SCUBE2: variants seen among roughly 807,000 people sequenced by gnomAD.
SCUBE2 encodes the protein signal peptide, CUB domain and EGF like domain containing 2, also known as signal peptide, CUB and EGF-like domain-containing protein 2.
Under a neutral mutation model 125.9 loss-of-function variants are expected in SCUBE2, and 114 were observed. The observed-to-expected ratio is 0.91, with a 90% CI of 0.78 to 1.06. SCUBE2 has a LOEUF of 1.06. SCUBE2 is among the 50% of genes least tolerant of loss of function. SCUBE2 has a pLI of 0.00. For synonymous variants in SCUBE2, 459 were observed against 492.9 expected, an observed-to-expected ratio of 0.93 and a Z score of 0.91; for missense variants, 1,255 against 1,301.8, an observed-to-expected ratio of 0.96 and a Z score of 0.55.
intron 13 of SCUBE2, among the ~76,000 whole-genome samples, chr11:9,050,946 T>C (rs1197824533): frequency 1.3e-5 from 2 of 152,178 alleles, no homozygotes; most frequent in African/African-American, 2.4e-5. Context: ...GCAAATCCAG[T>C]GTTCAAATAA....
At chr11:9,065,746 G>A (rs530299181) in intron 7 of SCUBE2, 145 bp downstream of exon 7, 1 of 663,344 alleles carries the variant, frequency 1.5e-6, no homozygotes, top group Admixed American at 2.4e-5. Flanking sequence ...GTGAAGAACA[G>A]ACACACACCC....
intron 16 of SCUBE2, among the ~76,000 whole-genome samples, chr11:9,039,092 A>G (rs61876297): frequency 0.043 from 6,511 of 152,096 alleles, 163 homozygotes; most frequent in Middle Eastern, 0.078. Context: ...CCTGGGCTCA[A>G]GTGGTCCTCT....
At chr11:9,030,714 A>C (rs1856230187) in intron 18 of SCUBE2, 44 bp downstream of exon 18, 5 of 1,575,756 alleles carry the variant, frequency 3.2e-6, no homozygotes, top group Non-Finnish European at 4.3e-6. Flanking sequence ...GATACTTAGA[A>C]GGGAAATCCA....
In SCUBE2 at chr11:9,033,729, G is replaced by T; in HGVS notation, c.2070C>A (p.Thr690=). 6.2e-7 allele frequency: 1 copy of T among 1,614,116 alleles called. No individual in the cohort carries two copies. The highest frequency in any genetic ancestry group is 2.2e-5 in the East Asian group (1 of 44,880). The change falls in exon 17 of 23, where the codon ACC becomes ACA. Residue 690 remains threonine, a synonymous_variant. Transcript: ENST00000649792. ...TCATTTGTCCTTCCTCATTTTGGAA[G>T]GTTCCATTTGGACATAAAATGCAGC... is the stretch of plus-strand genomic sequence containing the variant. The part of the protein sequence containing the change: ...RERCILCPNG[T]FQNEEGQMTC...
Position 9,029,950 on chromosome 11 carries a change from A to T in SCUBE2, c.2437T>A (p.Cys813Ser), listed in dbSNP as rs769684414. The part of the protein sequence containing the change: ...TYQPEFGKNN[C>S]VSCPGNTTTD... ...GTAGTATTTCCTGGGCAAGAAACACAATTATTTTTTCCAAATTCAGGCTGG... is the reference window on the plus strand; with the variant it reads ...GTAGTATTTCCTGGGCAAGAAACACTATTATTTTTTCCAAATTCAGGCTGG... The change falls in exon 19 of 23, where the codon TGT (cysteine) becomes AGT (serine). Residue 813 changes from cysteine (C) to serine (S), a missense_variant. This residue lies in a region of SCUBE2 where 515 missense variants were observed against 515.7 expected (regional missense o/e 1.00). Transcript: ENST00000649792. The T allele has an allele frequency of 6.2e-7, 1 of 1,614,194 alleles. No homozygotes were observed. Among genetic ancestry groups the T allele is most frequent in the South Asian group, 1.1e-5 (1 of 91,082 alleles).
At chr11:9,072,637 G>A (rs76011723) in intron 4 of SCUBE2, among the ~76,000 whole-genome samples, 16 of 152,212 alleles carry the variant, frequency 1.1e-4, no homozygotes, top group African/African-American at 2.9e-4. Context: ...AAGGTTCTCC[G>A]TTACCAATTG....
In SCUBE2 at chr11:9,063,032, G is replaced by C. The variant is rs528921748; in HGVS notation, c.851-2508C>G. ...GAGACAGGTGGGTCACATAGGCCAG[G>C]AGGTTGAGACCAGCCTGGCCAACAT... On this transcript the variant is annotated intron_variant, in intron 7 of 22. Transcript: ENST00000649792. 2.0e-5 allele frequency among the ~76,000 whole-genome samples: 3 copies of C among 152,064 alleles called. No homozygotes were observed. In the South Asian group the frequency reaches 6.2e-4, roughly 32 times the overall value.
chr11:9,063,535 C>G (rs1352978383), intron 7 of SCUBE2, among the ~76,000 whole-genome samples: 1 of 152,266 alleles, frequency 6.6e-6, no homozygotes, highest in Non-Finnish European at 1.5e-5. Flanking sequence ...AACTTCAAAA[C>G]AGTGATGGAA....
chr11:9,043,638 T>C (rs1267552245), intron 16 of SCUBE2, among the ~76,000 whole-genome samples: 1 of 152,090 alleles, frequency 6.6e-6, no homozygotes, highest in Non-Finnish European at 1.5e-5. Flanking sequence ...CTGGTGTAAA[T>C]TGGGACTTTA....
At chr11:9,029,059 AG>A (rs59931641) in intron 19 of SCUBE2, among the ~76,000 whole-genome samples, 3 of 152,080 alleles carry the variant, frequency 2.0e-5, no homozygotes, top group South Asian at 2.1e-4. Context: ...CCTCCAGTTT[AG>A]GGGGGGCCTC....
At chr11:9,063,085 C>CA (rs575154426) in intron 7 of SCUBE2, among the ~76,000 whole-genome samples, 10,869 of 144,950 alleles carry the variant, frequency 0.075, 480 homozygotes, top group Middle Eastern at 0.13. Flanking sequence ...ACTAAAAATA[C>CA]AAAAAAAAAA....
At chr11:9,059,518 C>A in intron 8 of SCUBE2, 93 bp from the exon 9 acceptor site, 1 of 1,417,788 alleles carries the variant, frequency 7.1e-7, no homozygotes, top group Admixed American at 2.3e-5. Context: ...TCATTAGTCT[C>A]TGAAATTAAG....
chr11:9,072,739 C>T lies in SCUBE2; in HGVS notation c.517+1742G>A, dbSNP rs77774024. On this transcript the variant is annotated intron_variant, in intron 4 of 22. Transcript: ENST00000649792. Reference sequence around the variant, plus strand: ...CACAGAGAGCACTTCCAGACCACAACGCAAATTCTTAGATTTTGGTTTTAG... The same window carrying T: ...CACAGAGAGCACTTCCAGACCACAATGCAAATTCTTAGATTTTGGTTTTAG... 3.9e-3 allele frequency among the ~76,000 whole-genome samples: 594 copies of T among 152,284 alleles called. 4 individuals are homozygous for T. Among genetic ancestry groups the T allele is most frequent in the African/African-American group, 0.013 (555 of 41,546 alleles).
At chr11:9,044,365 G>A (rs528931143) in intron 16 of SCUBE2, among the ~76,000 whole-genome samples, 8 of 151,916 alleles carry the variant, frequency 5.3e-5, no homozygotes, top group East Asian at 1.9e-4. Flanking sequence ...TGATCCTCCC[G>A]CCTTAGACTC....
Position 9,019,817 on chromosome 11 carries a change from G to A in SCUBE2, c.*1228C>T, listed in dbSNP as rs1855168290. Among the ~76,000 whole-genome samples, 1 of 152,158 alleles carries A rather than the reference G, an allele frequency of 6.6e-6. No individual in the cohort carries two copies. The highest frequency in any genetic ancestry group is 1.9e-4 in the East Asian group (1 of 5,198). On this transcript the variant is annotated 3_prime_UTR_variant, in exon 23 of 23. Coordinates refer to ENST00000649792, the MANE Select transcript of SCUBE2 (RefSeq NM_001367977.2). ...TAGTCCATCCATTAGGGAAGTGGTG[G>A]CTTGTTTGATTGGATTCCTTTTTAT... is the stretch of plus-strand genomic sequence containing the variant.
chr11:9,040,351 T>C (rs1231691453), intron 16 of SCUBE2, among the ~76,000 whole-genome samples: 3 of 152,374 alleles, frequency 2.0e-5, no homozygotes, highest in South Asian at 2.1e-4. Context: ...AAGTATCTTA[T>C]AGTACCGTAC....
chr11:9,073,193 T>C (rs1054643324), intron 4 of SCUBE2, among the ~76,000 whole-genome samples: 5 of 152,274 alleles, frequency 3.3e-5, no homozygotes, highest in African/African-American at 1.2e-4. Flanking sequence ...CATCTCGAAT[T>C]TGGCCTACAT....
At chr11:9,088,360 C>T (rs750324833) in intron 2 of SCUBE2, among the ~76,000 whole-genome samples, 20 of 152,160 alleles carry the variant, frequency 1.3e-4, no homozygotes, top group African/African-American at 3.6e-4. Flanking sequence ...TGGTGGCAGG[C>T]GCCTGTAATC....
Position 9,060,340 on chromosome 11 carries a change from A to G in SCUBE2, c.967+68T>C, listed in dbSNP as rs574595571. On this transcript the variant is annotated intron_variant, in intron 8 of 22. Coordinates refer to ENST00000649792, the MANE Select transcript of SCUBE2 (RefSeq NM_001367977.2). ...TGGAGGGTATGTTGCCTTTATCCCC[A>G]TATGTTAGCGGCATGGGCCCTCCCT... 1.2e-5 allele frequency: 14 copies of G among 1,216,832 alleles called. 1 individual carries two copies. In the South Asian group the frequency reaches 1.6e-4, roughly 14 times the overall value. The allele number at this position is 1,216,832 out of a possible 1,614,324, so 75.4% of individuals were successfully genotyped here.
Sources: allele counts gnomAD v4.1 joint callset (sites outside exome capture counted in the v4.1 genomes callset), GRCh38; gene constraint gnomAD v4.1.1; regional missense constraint gnomAD v4.1.1; transcripts MANE v1.5; gene names NCBI Gene and HGNC (gene_info 2026-07-23, HGNC 2026-07-21).